PSMA5: variants seen among roughly 807,000 people sequenced by gnomAD.
PSMA5 encodes proteasome subunit alpha type-5.
PSMA5 carries 3 observed loss-of-function variants against 34.5 expected under a neutral mutation model. The ratio of observed to expected loss-of-function variants is 0.09; its 90% CI spans 0.04 to 0.22. The LOEUF is 0.22. PSMA5 is among the 10% of genes least tolerant of loss of function. The pLI, the probability that PSMA5 is intolerant of heterozygous loss-of-function variation, is 1.00. For missense variants in PSMA5, 120 were observed against 286.1 expected (o/e 0.42, Z 4.19); for synonymous variants, 88 against 95.8 (o/e 0.92, Z 0.47).
At chr1:109,409,835 A>G (rs1571018498) in intron 8 of PSMA5, 93 bp downstream of exon 8, 3 of 809,834 alleles carry the variant, frequency 3.7e-6, no homozygotes, top group Admixed American at 2.3e-5. Context: ...GACTACTTGA[A>G]CTCATGAGTT....
chr1:109,415,211 C>T lies in PSMA5; in HGVS notation c.223+26G>A, dbSNP rs982631039. The T allele has an allele frequency of 5.0e-6, 8 of 1,606,646 alleles. No homozygotes were observed. The African/African-American group carries it at 8.0e-5, about 16-fold the overall frequency. ...ACTAATTAACCCAGACCAGATCCTA[C>T]AGAACAGCTTTCCTCCACTCCTTAC... On this transcript the variant is annotated intron_variant, in intron 3 of 8. Transcript: ENST00000271308.
At chr1:109,408,142 G>A (rs1653855888) in intron 8 of PSMA5, among the ~76,000 whole-genome samples, 1 of 151,950 alleles carries the variant, frequency 6.6e-6, no homozygotes, top group Non-Finnish European at 1.5e-5. Context: ...TACTTCCTTT[G>A]CTCCTGTCTA....
At position 109,403,861 on chromosome 1, in the gene PSMA5, C is replaced by T. The variant is rs114960527; in HGVS notation, c.649-1771G>A. Among the ~76,000 whole-genome samples, 144 of 152,142 alleles carry T rather than the reference C, an allele frequency of 9.5e-4. 1 individual carries two copies. The highest frequency in any genetic ancestry group is 1.4e-3 in the Non-Finnish European group (97 of 67,996). ...GAACAGACTTAAAAAAAAAGTTCTC[C>T]TCTCAAAGCTTGTAGTCTCCTCTAG... On this transcript the variant is annotated intron_variant, in intron 8 of 8. Transcript: ENST00000271308.
At chr1:109,425,332 T>C (rs1654612507) in intron 1 of PSMA5, 1 of 152,162 alleles carries the variant, frequency 6.6e-6, no homozygotes, top group South Asian at 2.1e-4. Flanking sequence ...ACACCCTAAC[T>C]CAAAATTATG....
intron 2 of PSMA5, among the ~76,000 whole-genome samples, chr1:109,420,915 C>T (rs1654411729): frequency 6.6e-6 from 1 of 151,210 alleles, no homozygotes; most frequent in Non-Finnish European, 1.5e-5. Context: ...TGTGGTGGCT[C>T]ACACCTGTAA....
At chr1:109,416,294 T>C (rs1199142872) in intron 2 of PSMA5, among the ~76,000 whole-genome samples, 2 of 152,154 alleles carry the variant, frequency 1.3e-5, no homozygotes, top group African/African-American at 4.8e-5. Context: ...CTATAATATA[T>C]CCAAATAAAC....
At position 109,410,993 on chromosome 1, in the gene PSMA5, G is replaced by C. The variant is rs371093298; in HGVS notation, c.561+18C>G. 3.9e-6 allele frequency: 6 copies of C among 1,545,926 alleles called. No homozygotes were observed. The highest frequency in any genetic ancestry group is 5.4e-6 in the Non-Finnish European group (6 of 1,121,462). ...CCATGATAAAAAAATAGTAAGAGTT[G>C]TGAGAATACTTAATTACCTTGTGGT... On this transcript the variant is annotated intron_variant, in intron 7 of 8. Transcript: ENST00000271308.
At chr1:109,418,376 G>T (rs888950936) in intron 2 of PSMA5, among the ~76,000 whole-genome samples, 4 of 152,110 alleles carry the variant, frequency 2.6e-5, no homozygotes, top group Non-Finnish European at 5.9e-5. Flanking sequence ...GAGTGCAGTG[G>T]CACAATCACG....
At chr1:109,409,769 A>G (rs1211023763) in intron 8 of PSMA5, among the ~76,000 whole-genome samples, 159 bp downstream of exon 8, 2 of 151,914 alleles carry the variant, frequency 1.3e-5, no homozygotes, top group Admixed American at 6.6e-5. Context: ...AAAAACATTA[A>G]CCAGGCATGG....
chr1:109,418,754 T>A (rs985128149), intron 2 of PSMA5, among the ~76,000 whole-genome samples: 1 of 151,844 alleles, frequency 6.6e-6, no homozygotes, highest in Non-Finnish European at 1.5e-5. Context: ...AGGAAAAAAA[T>A]TTTCAAGAAA....
chr1:109,419,493 C>T (rs1654348734), intron 2 of PSMA5, among the ~76,000 whole-genome samples: 1 of 152,058 alleles, frequency 6.6e-6, no homozygotes, highest in South Asian at 2.1e-4. Context: ...CACAGCGAAA[C>T]CCCGTCTCTA....
intron 8 of PSMA5, among the ~76,000 whole-genome samples, chr1:109,404,977 A>C (rs1653688053): frequency 6.6e-6 from 1 of 152,254 alleles, no homozygotes; most frequent in Non-Finnish European, 1.5e-5. Context: ...CATGGCAAGA[A>C]TGGGTCAGAC....
Position 109,426,214 on chromosome 1 carries a change from CCAT to C in PSMA5, c.29+85_29+87del, listed in dbSNP as rs1357218883. The C allele has an allele frequency of 3.7e-5, 57 of 1,555,722 alleles. 1 individual carries two copies. Among genetic ancestry groups the C allele is most frequent in the Non-Finnish European group, 5.0e-5 (56 of 1,127,498 alleles). On this transcript the variant is annotated intron_variant, in intron 1 of 8. Transcript: ENST00000271308. ...GCCAGTCTCGGGTTCCTGGGGAGCC[CCAT>C]GACACGGCAGAACCCAGGCCGCGCG...
rs769973108 is a variant in PSMA5, at chr1:109,411,906, A to G, written c.429T>C (p.Phe143=). 3.7e-6 allele frequency: 6 copies of G among 1,613,138 alleles called. No homozygotes were observed. The African/African-American group carries it at 8.0e-5, about 22-fold the overall frequency. The part of the protein sequence containing the change: ...MSRPFGVALL[F]GGVDEKGPQL... ...GGGGTCCTTTCTCATCAACTCCTCCAAATAATAATGCTACTCCAAAGGGAC... is the reference window on the plus strand; with the variant it reads ...GGGGTCCTTTCTCATCAACTCCTCCGAATAATAATGCTACTCCAAAGGGAC... Residue 143 remains phenylalanine (F), a synonymous_variant, in exon 6 of 9, where the codon TTT becomes TTC. Coordinates refer to ENST00000271308, the MANE Select transcript of PSMA5 (RefSeq NM_002790.4).
rs934781336 is a variant in PSMA5, at chr1:109,412,301, T to G, written c.292-117A>C. The G allele has an allele frequency of 9.8e-6, 8 of 814,702 alleles. No homozygotes were observed. In the African/African-American group the frequency reaches 1.4e-4, roughly 14 times the overall value. 50.5% of individuals were successfully genotyped at this position (814,702 alleles called of 1,614,324 possible). A position where few individuals can be genotyped will look rare whatever the true frequency, so the allele number is the denominator to read the frequency against. On this transcript the variant is annotated intron_variant, in intron 4 of 8. Transcript: ENST00000271308. ...GAAAACTGAAGGCTCAAATGTGGTT[T>G]TCTTAATTAACATTAACCCTGAGTA... is the stretch of plus-strand genomic sequence containing the variant.
intron 6 of PSMA5, among the ~76,000 whole-genome samples, chr1:109,411,537 T>C (rs2100961881): frequency 1.3e-5 from 2 of 148,914 alleles, no homozygotes; most frequent in East Asian, 4.0e-4. Flanking sequence ...ATAGAATCAC[T>C]AAACTTTAGT....
chr1:109,404,260 T>C (rs2152925), intron 8 of PSMA5, among the ~76,000 whole-genome samples: 106,366 of 152,038 alleles, frequency 0.7, 37,753 homozygotes, highest in East Asian at 0.96. Flanking sequence ...TGCAGTGAGC[T>C]GAGATCGCAC....
At chr1:109,411,654 T>C (rs1443183934) in intron 6 of PSMA5, among the ~76,000 whole-genome samples, 2 of 152,132 alleles carry the variant, frequency 1.3e-5, no homozygotes, top group Non-Finnish European at 2.9e-5. Context: ...GGGGTCTGGC[T>C]CTGTTATCCA....
chr1:109,425,882 T>G (rs776388840), intron 1 of PSMA5: 1 of 200,954 alleles, frequency 5.0e-6, no homozygotes. Context: ...CACCGCAGCA[T>G]GCCCTACTAC....
Sources: allele counts gnomAD v4.1 joint callset (sites outside exome capture counted in the v4.1 genomes callset), GRCh38; gene constraint gnomAD v4.1.1; transcripts MANE v1.5; gene names NCBI Gene and HGNC (gene_info 2026-07-23, HGNC 2026-07-21).